COPZ2: variants seen among roughly 807,000 people sequenced by gnomAD.
COPZ2 encodes the protein coat protein complex I subunit zeta 2, also known as coatomer subunit zeta-2.
COPZ2 carries 30 observed loss-of-function variants against 33.2 expected under a neutral mutation model. That is an observed-to-expected ratio of 0.90 (90% CI 0.68 to 1.23). The LOEUF (loss-of-function observed/expected upper bound fraction) is 1.23. Ranked by LOEUF, COPZ2 falls within the 50% of genes most tolerant of loss-of-function variation. The pLI, the probability that COPZ2 is intolerant of heterozygous loss-of-function variation, is 0.00. For synonymous variants in COPZ2, 89 were observed against 102.6 expected (o/e 0.87, Z 0.80); for missense variants, 263 against 262.4 (o/e 1.00, Z -0.02).
chr17:48,033,418 C>T (rs1291295709), intron 3 of COPZ2, 116 bp from the exon 4 acceptor site: 3 of 692,282 alleles, frequency 4.3e-6, no homozygotes, highest in Non-Finnish European at 7.9e-6. Context: ...CTGGAGAACC[C>T]TTGGAAAGAC....
Position 48,026,254 on chromosome 17 carries a change from G to T in COPZ2, c.*174C>A. On this transcript the variant is annotated 3_prime_UTR_variant, in exon 9 of 9. Transcript: ENST00000621465. ...TAAGGCCAGGGCCGTGAGAAAAGGT[G>T]ACTCTCCTGAGGCCAAACCTTTGCA... 1 of 598,814 alleles carries T rather than the reference G, an allele frequency of 1.7e-6. No individual in the cohort carries two copies. The highest frequency in any genetic ancestry group is 2.1e-5 in the South Asian group (1 of 48,184). The allele number at this position is 598,814 out of a possible 1,614,324, so 37.1% of individuals were successfully genotyped here. A position where few individuals can be genotyped will look rare whatever the true frequency, so the allele number is the denominator to read the frequency against.
intron 7 of COPZ2, 27 bp downstream of exon 7, chr17:48,029,098 A>AGAG (rs748829543): frequency 1.3e-6 from 2 of 1,564,226 alleles, no homozygotes; most frequent in African/African-American, 1.4e-5. Flanking sequence ...GCAGCCTAAA[A>AGAG]GAGGAGGTGT....
upstream of COPZ2, among the ~76,000 whole-genome samples, chr17:48,040,498 T>A (rs1387522448): frequency 6.7e-6 from 1 of 149,744 alleles, no homozygotes; most frequent in East Asian, 2.0e-4. Context: ...AGTGGCGAGA[T>A]CTCGGCTCAC....
upstream of COPZ2, among the ~76,000 whole-genome samples, chr17:48,040,247 A>T (rs945805518): frequency 1.0e-4 from 15 of 149,988 alleles, no homozygotes; most frequent in Non-Finnish European, 1.9e-4. Flanking sequence ...ATTTATTATT[A>T]TTTTTTTTAA....
chr17:48,037,831 G>T (rs2037016993), upstream of COPZ2: 1 of 861,554 alleles, frequency 1.2e-6, no homozygotes, highest in Non-Finnish European at 1.3e-6. The surrounding 1 kb of genome is among the most constrained non-coding windows in gnomAD (Gnocchi z 5.6). Context: ...CGCCGCCGCC[G>T]CCCCGCCTCC....
the COPZ2 span, among the ~76,000 whole-genome samples, chr17:48,044,442 T>C: frequency 6.8e-5 from 10 of 147,178 alleles, 1 homozygote. Flanking sequence ...CAATGTGGAT[T>C]CTTGCTCCAA....
intron 2 of COPZ2, among the ~76,000 whole-genome samples, chr17:48,034,488 T>C (rs2036947892): frequency 6.6e-6 from 1 of 152,144 alleles, no homozygotes; most frequent in South Asian, 2.1e-4. Context: ...CCTCCTGGTT[T>C]CTTGGAGGAT....
chr17:48,028,361 G>A lies in COPZ2; in HGVS notation c.585+111C>T. ...CCTCATCCCTTCCCTTCTCACCCCT[G>A]ATTTTTCAGACTTGATAACTTCACT... On this transcript the variant is annotated intron_variant, in intron 8 of 8. Transcript: ENST00000621465. This position sits in a 1 kb window ranked among gnomAD's most constrained non-coding sequence, Gnocchi z 4.5. 8.7e-7 allele frequency: 1 copy of A among 1,146,158 alleles called. No individual in the cohort carries two copies. The highest frequency in any genetic ancestry group is 1.6e-5 in the South Asian group (1 of 62,246). 71.0% of individuals were successfully genotyped at this position (1,146,158 alleles called of 1,614,324 possible). A position where few individuals can be genotyped will look rare whatever the true frequency, so the allele number is the denominator to read the frequency against.
chr17:48,043,690 TC>T, the COPZ2 span: 1 of 300,256 alleles, frequency 3.3e-6, no homozygotes, highest in Non-Finnish European at 4.9e-6. Flanking sequence ...CAGCTCTTCC[TC>T]CAGGCATGAA....
At position 48,028,641 on chromosome 17, in the gene COPZ2, T is replaced by C. The variant is rs2036849534; in HGVS notation, c.547-131A>G. The C allele has an allele frequency of 6.5e-6, 5 of 772,078 alleles. No homozygotes were observed. Among genetic ancestry groups the C allele is most frequent in the Non-Finnish European group, 1.0e-5 (5 of 476,776 alleles). The allele number at this position is 772,078 out of a possible 1,614,324, so 47.8% of individuals were successfully genotyped here. On this transcript the variant is annotated intron_variant, in intron 7 of 8. Transcript: ENST00000621465. The surrounding 1 kb of genome is among the most constrained non-coding windows in gnomAD (Gnocchi z 4.5). ...TTAGGGTGATTCAGAGCTGCACCTG[T>C]GTCACTGGTTAATAGAAGTCCTGCA...
intron 4 of COPZ2, chr17:48,032,946 CCTT>C (rs10563438): frequency 0.085 from 51,110 of 601,912 alleles, 2,751 homozygotes; most frequent in African/African-American, 0.19. Flanking sequence ...TTGAGTGTAT[CCTT>C]CTCTAGTTAT....
the COPZ2 span, among the ~76,000 whole-genome samples, chr17:48,044,585 G>A: frequency 2.0e-5 from 3 of 151,950 alleles, no homozygotes; most frequent in Non-Finnish European, 2.9e-5. Context: ...TATTTCTTAC[G>A]AGCTACCCAC....
At chr17:48,030,394 G>C (rs2036878820) in intron 6 of COPZ2, among the ~76,000 whole-genome samples, 1 of 151,748 alleles carries the variant, frequency 6.6e-6, no homozygotes, top group African/African-American at 2.4e-5. Context: ...TCAGAGAGCA[G>C]GCGCTCCTTC....
intron 6 of COPZ2, among the ~76,000 whole-genome samples, chr17:48,029,889 A>G (rs961960814): frequency 2.0e-5 from 3 of 151,672 alleles, no homozygotes; most frequent in African/African-American, 7.3e-5. Context: ...AATCGCTTCA[A>G]CCCGGGAGGC....
chr17:48,031,705 T>C (rs928493654), intron 6 of COPZ2: 26 of 182,186 alleles, frequency 1.4e-4, no homozygotes, highest in African/African-American at 2.1e-4. Context: ...ATCCTAAAGA[T>C]GGAGAAAGTA....
Position 48,037,531 on chromosome 17 carries a change from C to A in COPZ2, c.111+136G>T. On this transcript the variant is annotated intron_variant, in intron 1 of 8. Transcript: ENST00000621465. This position sits in a 1 kb window ranked among gnomAD's most constrained non-coding sequence, Gnocchi z 5.6. Reference sequence around the variant, plus strand: ...CTGGGACGAACTTTTCCTCCCGGGTCCTGGGGCCAGTCAGGGGTGACACAA... The same window carrying A: ...CTGGGACGAACTTTTCCTCCCGGGTACTGGGGCCAGTCAGGGGTGACACAA... The A allele has an allele frequency of 2.4e-6, 2 of 839,700 alleles. No individual in the cohort carries two copies. Among genetic ancestry groups the A allele is most frequent in the South Asian group, 3.7e-5 (1 of 26,704 alleles). The allele number at this position is 839,700 out of a possible 1,614,324, so 52.0% of individuals were successfully genotyped here.
upstream of COPZ2, chr17:48,037,802 GCGCCGCCCGCCGCCTGCC>G (rs2037016335): frequency 5.3e-5 from 52 of 985,462 alleles, no homozygotes; most frequent in Non-Finnish European, 5.6e-5. This position sits in a 1 kb window ranked among gnomAD's most constrained non-coding sequence, Gnocchi z 5.6. Context: ...CGCACTGACA[GCGCCGCCCGCCGCCTGCC>G]CGCCGCCGCC....
chr17:48,037,978 T>G (rs2144318643), upstream of COPZ2: 3 of 549,630 alleles, frequency 5.5e-6, no homozygotes, highest in South Asian at 7.9e-5. The surrounding 1 kb of genome is among the most constrained non-coding windows in gnomAD (Gnocchi z 5.6). Flanking sequence ...TCTCTCCTCC[T>G]TGGCTCCTTC....
rs1277979669 is a variant in COPZ2 at position 48,028,560 on chromosome 17, T to TG, written c.547-51dup. The TG allele has an allele frequency of 1.0e-5, 16 of 1,581,334 alleles. No individual in the cohort carries two copies. The highest frequency in any genetic ancestry group is 1.2e-5 in the Non-Finnish European group (14 of 1,162,164). ...TGGGGTAGGGCCAGCATGAGGGTCC[T>TG]GGGTCAGGGAGGTGAAGGAAAGGGG... On this transcript the variant is annotated intron_variant, in intron 7 of 8. Transcript: ENST00000621465. This position sits in a 1 kb window ranked among gnomAD's most constrained non-coding sequence, Gnocchi z 4.5.
Sources: allele counts gnomAD v4.1 joint callset (sites outside exome capture counted in the v4.1 genomes callset), GRCh38; gene constraint gnomAD v4.1.1; non-coding constraint Gnocchi (gnomAD v3.1); transcripts MANE v1.5; gene names NCBI Gene and HGNC (gene_info 2026-07-23, HGNC 2026-07-21).